The following MORC1 variants were observed in gnomAD, a reference collection of about 807,000 sequenced individuals.
MORC1 encodes the protein MORC family CW-type zinc finger protein 1.
A neutral mutation model predicts 134.9 loss-of-function variants in MORC1; 59 were observed. That is an observed-to-expected ratio of 0.44 (90% CI 0.35 to 0.54). The LOEUF (loss-of-function observed/expected upper bound fraction) is 0.54, where lower values mean the gene tolerates loss of function less well. MORC1 is among the 20% of genes least tolerant of loss of function. The pLI, the probability that MORC1 is intolerant of heterozygous loss-of-function variation, is 0.00. For missense variants in MORC1, 947 were observed against 1,134.5 expected (o/e 0.83, Z 2.37); for synonymous variants, 395 against 391.7 (o/e 1.01, Z -0.10).
intron 11 of MORC1, among the ~76,000 whole-genome samples, chr3:109,061,353 C>T (rs1228497208): frequency 6.6e-6 from 1 of 152,104 alleles, no homozygotes; most frequent in South Asian, 2.1e-4. Context: ...TAGCAATATT[C>T]TTTTTCTCTT....
chr3:109,087,691 C>T (rs1399563765), intron 8 of MORC1, among the ~76,000 whole-genome samples: 1 of 152,074 alleles, frequency 6.6e-6, no homozygotes, highest in African/African-American at 2.4e-5. Context: ...TGTCAAACTA[C>T]CAATGACATT....
At chr3:109,025,540 C>A (rs1949056250) in intron 17 of MORC1, among the ~76,000 whole-genome samples, 1 of 151,894 alleles carries the variant, frequency 6.6e-6, no homozygotes, top group South Asian at 2.1e-4. Context: ...AGCCACCACA[C>A]CCAGCTAATT....
chr3:109,025,379 CTTTTTTT>C (rs63701060), intron 17 of MORC1, among the ~76,000 whole-genome samples: 1,265 of 104,950 alleles, frequency 0.012, 8 homozygotes, highest in South Asian at 0.017. Context: ...TTTCTTTTTT[CTTTTTTT>C]TTTTTTTTTT....
rs533671643 is a variant in MORC1, at chr3:109,059,148, A to C, written c.1031+658T>G. Among the ~76,000 whole-genome samples the C allele has an allele frequency of 8.0e-4, 122 of 152,238 alleles. 1 individual carries two copies. Among genetic ancestry groups the C allele is most frequent in the Non-Finnish European group, 8.2e-4 (56 of 67,954 alleles). ...TTGAATGTCAGTGCATGGTTCACGA[A>C]AAATAATGTTAAGAACTAATCATAT... On this transcript the variant is annotated intron_variant, in intron 12 of 27. Coordinates refer to ENST00000232603, the MANE Select transcript of MORC1 (RefSeq NM_014429.4).
intron 22 of MORC1, 112 bp downstream of exon 22, chr3:108,986,768 A>G: frequency 1.3e-5 from 10 of 748,564 alleles, no homozygotes; most frequent in Non-Finnish European, 2.1e-5. Flanking sequence ...ATTTTTTAAA[A>G]TCCAAGTTGC....
chr3:108,973,595 G>GT (rs63198360), intron 24 of MORC1, among the ~76,000 whole-genome samples: 18,718 of 77,792 alleles, frequency 0.24, 1,721 homozygotes, highest in Admixed American at 0.31. Flanking sequence ...CTTTGTTTTG[G>GT]TTTTTTTTTT....
chr3:109,100,547 C>A (rs144654188), intron 4 of MORC1, 40 bp from the exon 5 acceptor site: 12 of 1,482,488 alleles, frequency 8.1e-6, no homozygotes, highest in Admixed American at 3.3e-5. Context: ...TAGGAAGACT[C>A]TTTGACACTG....
In MORC1 at chr3:109,063,216, G is replaced by A. The variant is rs145191806; in HGVS notation, c.831C>T (p.Val277=). 23 of 1,585,068 alleles carry A rather than the reference G, an allele frequency of 1.5e-5. No homozygotes were observed. Among genetic ancestry groups the A allele is most frequent in the Non-Finnish European group, 1.8e-5 (21 of 1,156,790 alleles). Residue 277 remains valine (V), a synonymous_variant, in exon 10 of 28, where the codon GTC becomes GTT. Transcript: ENST00000232603. Reference sequence around the variant, plus strand: ...TAAATGCTCCTTTAAAAGAAGATGTGACATAAAGATACTTTCTGGAAAGAA... The same window carrying A: ...TAAATGCTCCTTTAAAAGAAGATGTAACATAAAGATACTTTCTGGAAAGAA... ...CLYRPRKYLY[V]TSSFKGAFKD...
chr3:108,984,297 A>G (rs1947834439), intron 23 of MORC1, among the ~76,000 whole-genome samples: 1 of 152,116 alleles, frequency 6.6e-6, no homozygotes, highest in Admixed American at 6.5e-5. Flanking sequence ...AAAAGTGATA[A>G]AATTCTCATG....
At chr3:109,018,140 C>T (rs984562534) in intron 17 of MORC1, among the ~76,000 whole-genome samples, 6 of 151,778 alleles carry the variant, frequency 4.0e-5, no homozygotes, top group African/African-American at 1.5e-4. Context: ...ACAGACAGTC[C>T]CATAATCTTA....
chr3:109,025,378 T>TC (rs1448544900), intron 17 of MORC1, among the ~76,000 whole-genome samples: 21 of 132,026 alleles, frequency 1.6e-4, no homozygotes, highest in Middle Eastern at 4.2e-3. Context: ...TTTTCTTTTT[T>TC]CTTTTTTTTT....
intron 8 of MORC1, among the ~76,000 whole-genome samples, chr3:109,089,555 G>A (rs1950677534): frequency 6.6e-6 from 1 of 152,064 alleles, no homozygotes; most frequent in Non-Finnish European, 1.5e-5. Context: ...CTTACTAAAA[G>A]CCACCAATAA....
chr3:109,039,170 C>G lies in MORC1; in HGVS notation c.1331-3702G>C, dbSNP rs368757304. On this transcript the variant is annotated intron_variant, in intron 14 of 27. Coordinates refer to ENST00000232603, the MANE Select transcript of MORC1 (RefSeq NM_014429.4). ...ACCTGAAGTGATCCACCCGCCTCAGCCTCCCAAAGTGCTAGGATTACAGGC... is the reference window on the plus strand; with the variant it reads ...ACCTGAAGTGATCCACCCGCCTCAGGCTCCCAAAGTGCTAGGATTACAGGC... 5.9e-5 allele frequency among the ~76,000 whole-genome samples: 9 copies of G among 152,300 alleles called. No homozygotes were observed. The East Asian group carries it at 9.7e-4, about 16-fold the overall frequency.
At chr3:108,964,564 C>G (rs983074075) in intron 26 of MORC1, among the ~76,000 whole-genome samples, 1 of 152,118 alleles carries the variant, frequency 6.6e-6, no homozygotes, top group South Asian at 2.1e-4. Flanking sequence ...ACGAGTTTCC[C>G]CTTTTTCTAC....
intron 21 of MORC1, among the ~76,000 whole-genome samples, chr3:108,987,360 A>G (rs1947923084): frequency 6.6e-6 from 1 of 152,188 alleles, no homozygotes; most frequent in South Asian, 2.1e-4. Context: ...AAGCAGACAG[A>G]GTAGGAGCTC....
chr3:108,966,147 G>A (rs1285947347), intron 26 of MORC1, among the ~76,000 whole-genome samples: 3 of 152,130 alleles, frequency 2.0e-5, no homozygotes, highest in Non-Finnish European at 2.9e-5. Context: ...CAAGATGAGA[G>A]GCTTAGTTCT....
intron 14 of MORC1, among the ~76,000 whole-genome samples, chr3:109,037,524 G>A (rs546526609): frequency 6.6e-6 from 1 of 152,310 alleles, no homozygotes; most frequent in Admixed American, 6.5e-5. Flanking sequence ...CATGTGCCAT[G>A]TTGGTTTGCT....
chr3:109,095,122 C>A (rs1370680874), intron 6 of MORC1, 54 bp from the exon 7 acceptor site: 3 of 1,474,148 alleles, frequency 2.0e-6, no homozygotes, highest in Non-Finnish European at 2.7e-6. Context: ...AAACATTATT[C>A]TTTTGTCTTA....
At chr3:108,978,232 GT>G (rs1394082421) in intron 24 of MORC1, among the ~76,000 whole-genome samples, 1 of 152,158 alleles carries the variant, frequency 6.6e-6, no homozygotes, top group South Asian at 2.1e-4. Flanking sequence ...GCCTGCTTTT[GT>G]CCCATTTCCA....
Sources: gnomAD v4.1 joint callset for allele counts (sites outside exome capture counted in the v4.1 genomes callset) on GRCh38, gnomAD v4.1.1 for gene constraint, MANE v1.5 for transcripts, NCBI Gene and HGNC (gene_info 2026-07-23, HGNC 2026-07-21) for gene names.